Variants in KIR3DL2 observed in about 807,000 individuals in gnomAD.
KIR3DL2 encodes killer cell immunoglobulin like receptor, three Ig domains and long cytoplasmic tail 2, also known as killer cell immunoglobulin-like receptor 3DL2.
Under a neutral mutation model 41.6 loss-of-function variants are expected in KIR3DL2, and 42 were observed. The ratio of observed to expected loss-of-function variants is 1.01; its 90% confidence interval spans 0.79 to 1.31. KIR3DL2 has a LOEUF of 1.31. Among genes scored for constraint, KIR3DL2 ranks in the 50% most tolerant of loss-of-function variants. The pLI, the probability that KIR3DL2 is intolerant of heterozygous loss-of-function variation, is 0.00. For synonymous variants in KIR3DL2, 230 were observed against 221.3 expected (o/e 1.04, Z -0.35); for missense variants, 728 against 576.8 (o/e 1.26, Z -2.68).
At chr19:54,853,484 G>T (rs2064466511) in intron 3 of KIR3DL2, among the ~76,000 whole-genome samples, 1 of 151,754 alleles carries the variant, frequency 6.6e-6, no homozygotes, top group African/African-American at 2.4e-5. Context: ...AGACTAGTGG[G>T]AAAGAGATAC....
At chr19:54,858,684 C>A (rs566809266) in intron 5 of KIR3DL2, among the ~76,000 whole-genome samples, 2 of 151,346 alleles carry the variant, frequency 1.3e-5, no homozygotes, top group African/African-American at 2.4e-5. Flanking sequence ...GCTGAGATTG[C>A]ACCTCTACAC....
At chr19:54,853,193 G>T (rs2064436168) in intron 3 of KIR3DL2, among the ~76,000 whole-genome samples, 1 of 151,770 alleles carries the variant, frequency 6.6e-6, no homozygotes, top group African/African-American at 2.4e-5. Flanking sequence ...GGATGCTGAT[G>T]CCACCACCAG....
intron 6 of KIR3DL2, among the ~76,000 whole-genome samples, chr19:54,860,601 C>A (rs2065100145): frequency 6.6e-6 from 1 of 151,914 alleles, no homozygotes; most frequent in Non-Finnish European, 1.5e-5. Flanking sequence ...TCTCAAATTC[C>A]CAACCTCAGG....
At position 54,865,921 on chromosome 19, in the gene KIR3DL2, G is replaced by A. The variant is rs369829524; in HGVS notation, c.1105+12G>A. The A allele has an allele frequency of 4.4e-6, 7 of 1,603,858 alleles. No individual in the cohort carries two copies. The highest frequency in any genetic ancestry group is 1.6e-4 in the Middle Eastern group (1 of 6,066). On this transcript the variant is annotated intron_variant, in intron 7 of 8. Coordinates refer to ENST00000326321, the MANE Select transcript of KIR3DL2 (RefSeq NM_006737.4). ...CTCCAACAAAAAGAGTAAGTCTCAC[G>A]AAGCAGAGGCCAGAGAGCTCAGGGC...
chr19:54,851,374 C>A, intron 2 of KIR3DL2, 119 bp downstream of exon 2: 1 of 1,123,072 alleles, frequency 8.9e-7, no homozygotes, highest in Non-Finnish European at 1.3e-6. Flanking sequence ...CCCTTGGATA[C>A]TCGGCCCACA....
At chr19:54,857,788 C>A (rs1396833331) in intron 5 of KIR3DL2, among the ~76,000 whole-genome samples, 1 of 151,594 alleles carries the variant, frequency 6.6e-6, no homozygotes, top group African/African-American at 2.4e-5. Context: ...TCAGGTGATC[C>A]GCCCACCTCC....
chr19:54,866,484 T>G (rs761167857), intron 8 of KIR3DL2, 38 bp from the exon 9 acceptor site: 4 of 1,614,008 alleles, frequency 2.5e-6, no homozygotes, highest in Middle Eastern at 1.6e-4. Context: ...CTGAAAAATG[T>G]GAGCACCCTC....
At position 54,865,835 on chromosome 19, in the gene KIR3DL2, G is replaced by A. The variant is rs1248387441; in HGVS notation, c.1031G>A (p.Gly344Glu). 8 of 1,613,632 alleles carry A rather than the reference G, an allele frequency of 5.0e-6. No homozygotes were observed. The highest frequency in any genetic ancestry group is 6.8e-6 in the Non-Finnish European group (8 of 1,179,796). ...GICRHLHVLI[G>E]TSVVIFLFIL... The stretch of plus-strand genomic sequence containing the variant: ...TGCAGACACCTGCATGTTCTGATTG[G>A]GACCTCAGTGGTCATCTTCCTCTTC... The change falls in exon 7 of 9, where the codon GGG (glycine) becomes GAG (glutamate). Residue 344 changes from glycine (G) to glutamate (E), a missense_variant. Gly to Glu is a moderately conservative substitution (Grantham distance 98). Transcript: ENST00000326321.
At chr19:54,851,629 G>C (rs1242526839) in intron 2 of KIR3DL2, among the ~76,000 whole-genome samples, 6 of 151,644 alleles carry the variant, frequency 4.0e-5, no homozygotes, top group African/African-American at 1.2e-4. Context: ...TACCAGAAGA[G>C]GGGGGAAACC....
At chr19:54,864,481 A>ACC (rs1245734459) in intron 6 of KIR3DL2, among the ~76,000 whole-genome samples, 1 of 151,930 alleles carries the variant, frequency 6.6e-6, no homozygotes, top group African/African-American at 2.4e-5. Flanking sequence ...GATTCTTCCT[A>ACC]CCCATGAGCA....
intron 2 of KIR3DL2, 30 bp downstream of exon 2, chr19:54,851,285 A>G (rs768316608): frequency 2.5e-6 from 4 of 1,598,558 alleles, no homozygotes; most frequent in African/African-American, 1.4e-5. Context: ...TTAGGGTGTC[A>G]TCTCCCCACA....
Position 54,866,433 on chromosome 19 carries a change from C to G in KIR3DL2, c.1158+11C>G, listed in dbSNP as rs755794767. The G allele has an allele frequency of 1.4e-5, 22 of 1,613,870 alleles. No homozygotes were observed. The African/African-American group carries it at 2.4e-4, about 18-fold the overall frequency. ...ACAGTGAATAGGCAGGTAGGTCCTC[C>G]TCGGCCCAGCCTCACGGATACAGTC... On this transcript the variant is annotated intron_variant, in intron 8 of 8. Transcript: ENST00000326321.
chr19:54,853,939 G>A lies in KIR3DL2; in HGVS notation c.548G>A (p.Gly183Asp). ...GTCTCCAAGGCCAACTTCTCCATCG[G>A]TCCCTTGATGCCTGTCCTTGCAGGA... ...DGVSKANFSIGPLMPVLAGTY... is the reference protein window; with the variant it reads ...DGVSKANFSIDPLMPVLAGTY... Residue 183 changes from glycine (G) to aspartate (D), a missense_variant, in exon 4 of 9, where the codon GGT becomes GAT. Physicochemically the swap from Gly to Asp is moderately conservative, Grantham distance 94. Transcript: ENST00000326321. 1 of 1,613,384 alleles carries A rather than the reference G, an allele frequency of 6.2e-7. No individual in the cohort carries two copies. The highest frequency in any genetic ancestry group is 1.1e-5 in the South Asian group (1 of 91,078).
rs967719585 is a variant in KIR3DL2 at position 54,858,940 on chromosome 19, T to G, written c.950-139T>G. On this transcript the variant is annotated intron_variant, in intron 5 of 8. Coordinates refer to ENST00000326321, the MANE Select transcript of KIR3DL2 (RefSeq NM_006737.4). ...GACAGTGGGCATCGCACACAAAAAT[T>G]ATGGAGAAAAGGATCCCAAGACTCC... The G allele has an allele frequency of 8.0e-5, 76 of 954,430 alleles. 2 individuals are homozygous for G. In the African/African-American group the frequency reaches 1.3e-3, roughly 16 times the overall value. The allele number at this position is 954,430 out of a possible 1,614,324, so 59.1% of individuals were successfully genotyped here. A position where few individuals can be genotyped will look rare whatever the true frequency, so the allele number is the denominator to read the frequency against.
At chr19:54,851,129 G>T in intron 1 of KIR3DL2, 91 bp from the exon 2 acceptor site, 1 of 1,507,216 alleles carries the variant, frequency 6.6e-7, no homozygotes, top group Non-Finnish European at 9.2e-7. Flanking sequence ...CCCAGCAAGG[G>T]CCTGGCTGCC....
chr19:54,855,206 A>T (rs1234781928), intron 4 of KIR3DL2, among the ~76,000 whole-genome samples: 4 of 151,592 alleles, frequency 2.6e-5, no homozygotes, highest in African/African-American at 9.8e-5. Context: ...AGACAGATAG[A>T]CAATTGATAG....
At chr19:54,855,576 C>A in intron 4 of KIR3DL2, 43 bp from the exon 5 acceptor site, 1 of 1,599,946 alleles carries the variant, frequency 6.3e-7, no homozygotes, top group African/African-American at 1.4e-5. Context: ...GGAGCTGTGA[C>A]AAGGAAGAAC....
In KIR3DL2 at chr19:54,857,877, G is replaced by A. The variant is rs369908040; in HGVS notation, c.950-1202G>A. Among the ~76,000 whole-genome samples, 1,262 of 151,878 alleles carry A rather than the reference G, an allele frequency of 8.3e-3. 56 individuals carry two copies. Among genetic ancestry groups the A allele is most frequent in the African/African-American group, 0.029 (1,193 of 41,218 alleles). On this transcript the variant is annotated intron_variant, in intron 5 of 8. Coordinates refer to ENST00000326321, the MANE Select transcript of KIR3DL2 (RefSeq NM_006737.4). Reference sequence around the variant, plus strand: ...TAATGGGATGAGATGAAAACTCATCGCGATTGTAATTTACATTTCTGTGAT... The same window carrying A: ...TAATGGGATGAGATGAAAACTCATCACGATTGTAATTTACATTTCTGTGAT...
chr19:54,864,450 T>C (rs1241212682), intron 6 of KIR3DL2, among the ~76,000 whole-genome samples: 1 of 152,118 alleles, frequency 6.6e-6, no homozygotes, highest in Non-Finnish European at 1.5e-5. Flanking sequence ...CCTTGGGCAG[T>C]ATGGCCATTT....
Sources: gnomAD v4.1 joint callset for allele counts (sites outside exome capture counted in the v4.1 genomes callset) on GRCh38, gnomAD v4.1.1 for gene constraint, MANE v1.5 for transcripts, NCBI Gene and HGNC (gene_info 2026-07-23, HGNC 2026-07-21) for gene names.